Variants in RAG1 observed in about 807,000 individuals in gnomAD.
RAG1 encodes recombination activating 1, also known as V(D)J recombination-activating protein 1.
Under a neutral mutation model 62.7 loss-of-function variants are expected in RAG1, and 35 were observed. That is an observed-to-expected ratio of 0.56 (90% CI 0.43 to 0.74). The LOEUF (loss-of-function observed/expected upper bound fraction) is 0.74, where lower values mean the gene tolerates loss of function less well. Among genes scored for constraint, RAG1 ranks in the 30% least tolerant of loss-of-function variants. The pLI, the probability that RAG1 is intolerant of heterozygous loss-of-function variation, is 0.00. For synonymous variants in RAG1, 461 were observed against 470.3 expected (o/e 0.98, Z 0.26); for missense variants, 1,169 against 1,278.6 (o/e 0.91, Z 1.31).
Position 36,520,960 on chromosome 11 carries a change from C to CTT in RAG1, n.428+746_428+747dup, listed in dbSNP as rs36066366. Among the ~76,000 whole-genome samples the CTT allele has an allele frequency of 7.1e-3, 948 of 133,570 alleles. 13 individuals are homozygous for CTT. Among genetic ancestry groups the CTT allele is most frequent in the African/African-American group, 0.013 (461 of 36,196 alleles). 87.6% of individuals were successfully genotyped at this position (133,570 alleles called of 152,430 possible). A position where few individuals can be genotyped will look rare whatever the true frequency, so the allele number is the denominator to read the frequency against. On this transcript the variant is annotated intron_variant and non_coding_transcript_variant, in intron 2 of 2. Coordinates refer to the RAG1 transcript ENST00000529126. Reference sequence around the variant, plus strand: ...GCCTGTGTCCCCACCCAAATCTCATCTTTTTTTTTTTTTTTTGAGTTGGAG... The same window carrying CTT: ...GCCTGTGTCCCCACCCAAATCTCATCTTTTTTTTTTTTTTTTTTGAGTTGGAG...
At chr11:36,523,472 T>G (rs1400068969) in intron 2 of RAG1, among the ~76,000 whole-genome samples, 1 of 152,226 alleles carries the variant, frequency 6.6e-6, no homozygotes, top group Non-Finnish European at 1.5e-5. Context: ...CTTTCTTTCA[T>G]AAATTGCCCA....
intron 3 of RAG1, among the ~76,000 whole-genome samples, chr11:36,560,421 C>T (rs182320798): frequency 6.6e-6 from 1 of 152,266 alleles, no homozygotes; most frequent in East Asian, 1.9e-4. Flanking sequence ...AGCTGAACCA[C>T]TGAATCTAGA....
rs1850856299 is a variant in RAG1 at position 36,576,578 on chromosome 11, G to A, written c.*142G>A. 1 of 977,922 alleles carries A rather than the reference G, an allele frequency of 1.0e-6. No homozygotes were observed. The highest frequency in any genetic ancestry group is 1.6e-6 in the Non-Finnish European group (1 of 634,984). 60.6% of individuals were successfully genotyped at this position (977,922 alleles called of 1,614,324 possible). On this transcript the variant is annotated 3_prime_UTR_variant, in exon 2 of 2. Coordinates refer to ENST00000299440, the MANE Select transcript of RAG1 (RefSeq NM_000448.3). Reference sequence around the variant, plus strand: ...TAGGTTGGAGTAAGATGCTACAGATGCTCTCAAGTCAGGAATAGAAACTGA... The same window carrying A: ...TAGGTTGGAGTAAGATGCTACAGATACTCTCAAGTCAGGAATAGAAACTGA...
Position 36,574,234 on chromosome 11 carries a change from T to A in RAG1, c.930T>A (p.His310Gln), listed in dbSNP as rs1378271223. The A allele has an allele frequency of 3.7e-6, 6 of 1,614,108 alleles. No homozygotes were observed. The East Asian group carries it at 1.1e-4, about 30-fold the overall frequency. Residue 310 changes from histidine to glutamine, a missense_variant, in exon 2 of 2, where the codon CAT (histidine) becomes CAA (glutamine). Transcript: ENST00000299440. ...LADPVETNCKHVFCRVCILRC... is the reference protein window; with the variant it reads ...LADPVETNCKQVFCRVCILRC... ...ACCCTGTGGAGACCAACTGTAAGCATGTCTTTTGCCGGGTCTGCATTCTCA... is the reference window on the plus strand; with the variant it reads ...ACCCTGTGGAGACCAACTGTAAGCAAGTCTTTTGCCGGGTCTGCATTCTCA...
chr11:36,511,319 TG>T (rs1859917615), intron 1 of RAG1, among the ~76,000 whole-genome samples: 1 of 152,120 alleles, frequency 6.6e-6, no homozygotes, highest in Non-Finnish European at 1.5e-5. Context: ...CTGGGTGTGG[TG>T]GTGCATATCT....
chr11:36,562,282 AG>A, intron 3 of RAG1, among the ~76,000 whole-genome samples: 1 of 152,330 alleles, frequency 6.6e-6, no homozygotes, highest in Admixed American at 6.5e-5. Flanking sequence ...AGACTGTAAG[AG>A]GAGTGGATTT....
chr11:36,549,980 C>T (rs1457803624), intron 3 of RAG1, among the ~76,000 whole-genome samples: 5 of 152,022 alleles, frequency 3.3e-5, no homozygotes, highest in African/African-American at 1.2e-4. Flanking sequence ...ATAGATAAAG[C>T]TGGAAACCAT....
chr11:36,557,465 C>A (rs558784575), intron 3 of RAG1, among the ~76,000 whole-genome samples: 4 of 147,008 alleles, frequency 2.7e-5, no homozygotes, highest in Admixed American at 1.3e-4. Flanking sequence ...CGCCCTGCTT[C>A]GGCTCGCGCA....
At chr11:36,559,222 T>G (rs1850547580) in intron 3 of RAG1, among the ~76,000 whole-genome samples, 1 of 152,214 alleles carries the variant, frequency 6.6e-6, no homozygotes, top group South Asian at 2.1e-4. Flanking sequence ...GTTAGTATAA[T>G]GAAGATTCCC....
chr11:36,524,314 C>T (rs1164078943), intron 2 of RAG1, among the ~76,000 whole-genome samples: 1 of 145,384 alleles, frequency 6.9e-6, no homozygotes, highest in Non-Finnish European at 1.5e-5. Context: ...ATGTTGTGCA[C>T]ATGTACCCTA....
intron 3 of RAG1, among the ~76,000 whole-genome samples, chr11:36,557,658 A>C (rs1456353065): frequency 1.3e-5 from 2 of 149,384 alleles, no homozygotes; most frequent in African/African-American, 2.6e-5. Context: ...TTCTTTAAAG[A>C]GTTCAAATGC....
chr11:36,549,458 G>A (rs896966497), intron 3 of RAG1, among the ~76,000 whole-genome samples: 31 of 152,180 alleles, frequency 2.0e-4, no homozygotes, highest in African/African-American at 7.5e-4. Flanking sequence ...CAAAAAGTGG[G>A]CGAAGGATAT....
intron 2 of RAG1, among the ~76,000 whole-genome samples, chr11:36,528,253 C>A (rs996886543): frequency 2.0e-5 from 3 of 152,082 alleles, no homozygotes; most frequent in African/African-American, 7.2e-5. Context: ...GTAAAACACT[C>A]CTCAGCAAAT....
chr11:36,551,470 T>C (rs1237885733), intron 3 of RAG1, among the ~76,000 whole-genome samples: 2 of 152,080 alleles, frequency 1.3e-5, no homozygotes, highest in South Asian at 2.1e-4. Context: ...GGCTTGTAGA[T>C]GGTCATATTT....
chr11:36,564,635 T>G (rs1475874365), upstream of RAG1, among the ~76,000 whole-genome samples: 1 of 152,206 alleles, frequency 6.6e-6, no homozygotes, highest in Admixed American at 6.5e-5. Flanking sequence ...GAGAGTGAGC[T>G]GCAGCCGACG....
upstream of RAG1, among the ~76,000 whole-genome samples, chr11:36,566,908 A>G (rs1049307859): frequency 5.9e-5 from 9 of 152,154 alleles, no homozygotes; most frequent in Non-Finnish European, 8.8e-5. Flanking sequence ...AGAACAGTGA[A>G]ATCCTTGCAC....
chr11:36,576,700 G>A lies in RAG1; in HGVS notation c.*264G>A, dbSNP rs1052624150. On this transcript the variant is annotated 3_prime_UTR_variant, in exon 2 of 2. Transcript: ENST00000299440. ...TAACTCAGAACAGGAGTAACTGCAG[G>A]GGACCAGAGATGAGCAAAGATCTGT... 2.0e-6 allele frequency: 1 copy of A among 499,314 alleles called. No homozygotes were observed. The highest frequency in any genetic ancestry group is 3.8e-6 in the Non-Finnish European group (1 of 265,538). The allele number at this position is 499,314 out of a possible 1,614,324, so 30.9% of individuals were successfully genotyped here.
In RAG1 at chr11:36,574,364, C is replaced by A. The variant is rs753165042; in HGVS notation, c.1060C>A (p.Leu354Met). The change falls in exon 2 of 2, where the codon CTG becomes ATG. Residue 354 changes from leucine to methionine, a missense_variant. This residue lies in a region of RAG1 where 800 missense variants were observed against 943.3 expected (regional missense o/e 0.85). Coordinates refer to ENST00000299440, the MANE Select transcript of RAG1 (RefSeq NM_000448.3). ...GTCCTTTCTGAGCGTCTTGAATTCC[C>A]TGATGGTGAAATGTCCAGCAAAAGA... ...VKSFLSVLNS[L>M]MVKCPAKECN... 21 of 1,614,112 alleles carry A rather than the reference C, an allele frequency of 1.3e-5. No homozygotes were observed. In the Admixed American group the frequency reaches 2.0e-4, roughly 15 times the overall value.
intron 3 of RAG1, among the ~76,000 whole-genome samples, chr11:36,544,626 C>T (rs766314112): frequency 1.3e-5 from 2 of 152,176 alleles, no homozygotes; most frequent in Non-Finnish European, 2.9e-5. Context: ...TTCCCACTAA[C>T]AATAACTCTT....
Sources: gnomAD v4.1 joint callset for allele counts (sites outside exome capture counted in the v4.1 genomes callset) on GRCh38, gnomAD v4.1.1 for gene constraint, gnomAD v4.1.1 regional missense constraint, MANE v1.5 for transcripts, NCBI Gene and HGNC (gene_info 2026-07-23, HGNC 2026-07-21) for gene names.